The following KMT2E variants were observed in gnomAD, a reference collection of about 807,000 sequenced individuals.
KMT2E encodes histone reader KMT2E.
A neutral mutation model predicts 184.6 loss-of-function variants in KMT2E; 30 were observed. That is an observed-to-expected ratio of 0.16 (90% CI 0.12 to 0.22). The LOEUF (loss-of-function observed/expected upper bound fraction) is 0.22. KMT2E is among the 10% of genes least tolerant of loss of function. KMT2E has a pLI of 1.00. For missense variants in KMT2E, 2,023 were observed against 2,237.4 expected, an observed-to-expected ratio of 0.90 and a Z score of 1.93; for synonymous variants, 815 against 776.5, an observed-to-expected ratio of 1.05 and a Z score of -0.82.
At chr7:105,062,057 A>G (rs1796833767) in intron 3 of KMT2E, 107 bp from the exon 4 acceptor site, 1 of 737,980 alleles carries the variant, frequency 1.4e-6, no homozygotes, top group Admixed American at 2.0e-5. Context: ...TAGATACTGT[A>G]TTTGTATAGC....
At chr7:105,078,400 C>A (rs1490112869) in intron 11 of KMT2E, among the ~76,000 whole-genome samples, 1 of 152,170 alleles carries the variant, frequency 6.6e-6, no homozygotes, top group Non-Finnish European at 1.5e-5. Context: ...ATATTCAAAT[C>A]TTGGCTTCAC....
chr7:105,027,715 A>G (rs1487629491), intron 1 of KMT2E, among the ~76,000 whole-genome samples: 1 of 152,138 alleles, frequency 6.6e-6, no homozygotes, highest in Non-Finnish European at 1.5e-5. Flanking sequence ...AAGAGGAGGA[A>G]GCTGATCTTG....
At chr7:105,092,651 C>T (rs1282062202) in intron 15 of KMT2E, among the ~76,000 whole-genome samples, 2 of 152,086 alleles carry the variant, frequency 1.3e-5, no homozygotes, top group Non-Finnish European at 2.9e-5. Context: ...TATCTTGAAC[C>T]TTTTTTGAGA....
chr7:105,110,167 A>G (rs1799147976), intron 23 of KMT2E, 113 bp from the exon 24 acceptor site: 1 of 840,400 alleles, frequency 1.2e-6, no homozygotes, highest in Admixed American at 2.1e-5. Flanking sequence ...ACACCAAAGT[A>G]TTTTCCCAGT....
At chr7:105,041,061 A>C in intron 3 of KMT2E, 38 bp downstream of exon 3, 1 of 1,329,834 alleles carries the variant, frequency 7.5e-7, no homozygotes, top group Non-Finnish European at 1.1e-6. Context: ...AAAAAAAAAA[A>C]AAAAACCCTT....
At chr7:105,101,404 C>G (rs1176718113) in intron 15 of KMT2E, 21 bp from the exon 16 acceptor site, 2 of 1,481,676 alleles carry the variant, frequency 1.3e-6, no homozygotes, top group South Asian at 1.4e-5. Context: ...TATGATGTCA[C>G]TTAAAATTTA....
chr7:105,025,940 A>G (rs1171237882), intron 1 of KMT2E, among the ~76,000 whole-genome samples: 1 of 152,178 alleles, frequency 6.6e-6, no homozygotes, highest in Non-Finnish European at 1.5e-5. Context: ...TTATTTTGAA[A>G]TATGTTGAAC....
chr7:105,017,234 G>T (rs1313415059), intron 1 of KMT2E, among the ~76,000 whole-genome samples: 1 of 152,124 alleles, frequency 6.6e-6, no homozygotes, highest in African/African-American at 2.4e-5. Context: ...TGTGCCCGAT[G>T]GTTTTCTTCA....
At chr7:105,016,093 T>A (rs995479982) in intron 1 of KMT2E, among the ~76,000 whole-genome samples, 1 of 152,266 alleles carries the variant, frequency 6.6e-6, no homozygotes, top group African/African-American at 2.4e-5. Context: ...CTATTTTATA[T>A]GATTAAATGT....
rs1562932185 is a variant in KMT2E at position 105,107,711 on chromosome 7, G to A, written c.3254G>A (p.Arg1085Lys). 1 of 1,614,118 alleles carries A rather than the reference G, an allele frequency of 6.2e-7. No individual in the cohort carries two copies. Among genetic ancestry groups the A allele is most frequent in the East Asian group, 2.2e-5 (1 of 44,850 alleles). Reference sequence around the variant, plus strand: ...AACTTCTCAGTGAACTCCAACTTGAGGGACCTGACACCCTCGCATCAGTTG... The same window carrying A: ...AACTTCTCAGTGAACTCCAACTTGAAGGACCTGACACCCTCGCATCAGTTG... ...GVNFSVNSNL[R>K]DLTPSHQLEV... Residue 1085 changes from arginine (R) to lysine (K), a missense_variant, in exon 22 of 27, where the codon AGG (arginine) becomes AAG (lysine). Physicochemically the swap from Arg to Lys is conservative, Grantham distance 26. Coordinates refer to ENST00000311117, the MANE Select transcript of KMT2E (RefSeq NM_182931.3).
chr7:105,106,531 C>T lies in KMT2E; in HGVS notation c.2606C>T (p.Thr869Ile). 6.2e-7 allele frequency: 1 copy of T among 1,607,524 alleles called. No individual in the cohort carries two copies. Among genetic ancestry groups the T allele is most frequent in the Non-Finnish European group, 8.5e-7 (1 of 1,173,992 alleles). ...NDSCSLPDLT[T>I]PLKKRRFYQL... ...ATTATTTCACCAACAGATTTAACTA[C>T]ACCACTAAAAAAACGAAGATTTTAT... Residue 869 changes from threonine (T) to isoleucine (I), a missense_variant, in exon 20 of 27, where the codon ACA becomes ATA. Physicochemically the swap from Thr to Ile is moderately conservative, Grantham distance 89. Transcript: ENST00000311117.
Position 105,020,329 on chromosome 7 carries a change from G to A in KMT2E, c.-189+5794G>A, listed in dbSNP as rs185400069. On this transcript the variant is annotated intron_variant, in intron 1 of 26. Transcript: ENST00000311117. ...CACTTGGCCTGGCATGGTGGCTCAC[G>A]CTTGTAATCCCAGCACTTTGGGAGG... Among the ~76,000 whole-genome samples the A allele has an allele frequency of 6.6e-5, 10 of 151,992 alleles. No homozygotes were observed. In the East Asian group the frequency reaches 1.6e-3, roughly 24 times the overall value.
At chr7:105,098,332 T>G (rs1460051337) in intron 15 of KMT2E, among the ~76,000 whole-genome samples, 1 of 151,822 alleles carries the variant, frequency 6.6e-6, no homozygotes, top group Non-Finnish European at 1.5e-5. Context: ...CTCCAACTCC[T>G]GGACTCAAGC....
In KMT2E at chr7:105,102,091, T is replaced by C; in HGVS notation, c.2093T>C (p.Leu698Pro). The change falls in exon 17 of 27, where the codon CTT becomes CCT. Residue 698 changes from leucine to proline, a missense_variant. This residue lies in a region of KMT2E where 514 missense variants were observed against 621.8 expected (regional missense o/e 0.83). Coordinates refer to ENST00000311117, the MANE Select transcript of KMT2E (RefSeq NM_182931.3). Reference sequence around the variant, plus strand: ...CAAAATGATATTGAAAATACTGTACTTACAATAGAACCAGAAACTGAAACT... The same window carrying C: ...CAAAATGATATTGAAAATACTGTACCTACAATAGAACCAGAAACTGAAACT... ...SQQNDIENTV[L>P]TIEPETETAL... is the part of the protein sequence containing the mutation. The C allele has an allele frequency of 6.2e-7, 1 of 1,613,526 alleles. No individual in the cohort carries two copies. The highest frequency in any genetic ancestry group is 8.5e-7 in the Non-Finnish European group (1 of 1,179,620).
intron 1 of KMT2E, among the ~76,000 whole-genome samples, chr7:105,029,504 T>C (rs1446060130): frequency 1.3e-5 from 2 of 152,144 alleles, no homozygotes; most frequent in Non-Finnish European, 2.9e-5. Context: ...TACTTAGAAG[T>C]TGATAGTGAC....
chr7:105,113,406 A>G lies in KMT2E; in HGVS notation c.*73A>G. ...ATATTTCATATGTACCTGTTAAGGT[A>G]CTTTTTAAAGCTTGTACATGAACCT... On this transcript the variant is annotated 3_prime_UTR_variant, in exon 27 of 27. Coordinates refer to ENST00000311117, the MANE Select transcript of KMT2E (RefSeq NM_182931.3). The G allele has an allele frequency of 6.9e-7, 1 of 1,448,604 alleles. No homozygotes were observed. 89.7% of individuals were successfully genotyped at this position (1,448,604 alleles called of 1,614,324 possible).
chr7:105,018,214 A>AGCT (rs2129563807), intron 1 of KMT2E, among the ~76,000 whole-genome samples: 1 of 152,342 alleles, frequency 6.6e-6, no homozygotes, highest in Non-Finnish European at 1.5e-5. Flanking sequence ...CATTTCTGGA[A>AGCT]GCTACTACTA....
intron 1 of KMT2E, among the ~76,000 whole-genome samples, chr7:105,022,090 A>G (rs1794980250): frequency 6.6e-6 from 1 of 152,126 alleles, no homozygotes. Flanking sequence ...TACAGCCCTT[A>G]TTACTGAAGT....
At chr7:105,050,927 A>G (rs532380603) in intron 3 of KMT2E, among the ~76,000 whole-genome samples, 32 of 134,578 alleles carry the variant, frequency 2.4e-4, no homozygotes, top group African/African-American at 7.8e-4. Flanking sequence ...GGATTTCACC[A>G]TGTTGGCCAG....
Sources: allele counts gnomAD v4.1 joint callset (sites outside exome capture counted in the v4.1 genomes callset), GRCh38; gene constraint gnomAD v4.1.1; regional missense constraint gnomAD v4.1.1; transcripts MANE v1.5; gene names NCBI Gene and HGNC (gene_info 2026-07-23, HGNC 2026-07-21).